Variants in XPO5 observed in about 807,000 individuals in gnomAD.
XPO5 encodes exportin-5.
A neutral mutation model predicts 160.6 loss-of-function variants in XPO5; 46 were observed. The observed-to-expected ratio is 0.29, with a 90% CI of 0.23 to 0.37. The LOEUF is 0.37. Ranked by LOEUF, XPO5 falls within the 10% of genes least tolerant of loss-of-function variation. The pLI, the probability that XPO5 is intolerant of heterozygous loss-of-function variation, is 1.00. For synonymous variants in XPO5, 537 were observed against 519.3 expected (o/e 1.03, Z -0.46); for missense variants, 1,090 against 1,463.9 (o/e 0.74, Z 4.17).
intron 20 of XPO5, chr6:43,539,742 CTTGGGAATAGTTTGT>C: frequency 1.6e-6 from 1 of 610,108 alleles, no homozygotes; most frequent in Non-Finnish European, 2.9e-6. Flanking sequence ...TTTTTCTATT[CTTGGGAATAGTTTGT>C]CTAAGAGATA....
chr6:43,553,004 G>A (rs1561878120), intron 14 of XPO5, among the ~76,000 whole-genome samples: 1 of 150,246 alleles, frequency 6.7e-6, no homozygotes, highest in African/African-American at 2.5e-5. Flanking sequence ...TACATCCATA[G>A]ATTTTCCTAT....
At chr6:43,562,437 G>C in intron 8 of XPO5, 91 bp from the exon 9 acceptor site, 7 of 953,678 alleles carry the variant, frequency 7.3e-6, no homozygotes, top group Non-Finnish European at 1.1e-5. Context: ...AAGTCATTTA[G>C]TTAGGTCTGT....
Position 43,575,904 on chromosome 6 carries a change from C to T in XPO5, c.-40G>A. The T allele has an allele frequency of 6.3e-7, 1 of 1,595,596 alleles. No homozygotes were observed. The highest frequency in any genetic ancestry group is 8.6e-7 in the Non-Finnish European group (1 of 1,166,770). Reference sequence around the variant, plus strand: ...GCCGAGAGCGCACACCACTGCAGTCCCGGGACCACGAGGCACGACAGCTCC... The same window carrying T: ...GCCGAGAGCGCACACCACTGCAGTCTCGGGACCACGAGGCACGACAGCTCC... On this transcript the variant is annotated 5_prime_UTR_variant, in exon 1 of 32. Coordinates refer to ENST00000265351, the MANE Select transcript of XPO5 (RefSeq NM_020750.3).
chr6:43,529,772 C>T (rs542145136), intron 23 of XPO5, among the ~76,000 whole-genome samples: 2 of 151,334 alleles, frequency 1.3e-5, no homozygotes, highest in Non-Finnish European at 2.9e-5. Context: ...ATAATAAAAA[C>T]TAGCTGGGTG....
At chr6:43,547,484 G>T (rs751481992) in intron 19 of XPO5, 124 bp downstream of exon 19, 1 of 804,722 alleles carries the variant, frequency 1.2e-6, no homozygotes, top group African/African-American at 1.7e-5. Context: ...GAAGCTTAGG[G>T]AAGTGGAGAC....
At chr6:43,526,006 G>A in intron 27 of XPO5, 85 bp from the exon 28 acceptor site, 1 of 1,484,312 alleles carries the variant, frequency 6.7e-7, no homozygotes, top group Non-Finnish European at 9.2e-7. Context: ...AAAAAACAAA[G>A]CAAAGCTGAG....
chr6:43,531,376 G>A, intron 22 of XPO5, 103 bp downstream of exon 22: 6 of 1,024,724 alleles, frequency 5.9e-6, no homozygotes, highest in South Asian at 4.1e-5. Context: ...TCAAACTCTT[G>A]CCTCGCCTTA....
chr6:43,561,291 A>C, intron 9 of XPO5: 1 of 350,126 alleles, frequency 2.9e-6, no homozygotes, highest in Non-Finnish European at 5.2e-6. Flanking sequence ...AAATTACAGA[A>C]AGAAAAAAAA....
At chr6:43,541,431 AC>A (rs1794685175) in intron 20 of XPO5, among the ~76,000 whole-genome samples, 1 of 152,240 alleles carries the variant, frequency 6.6e-6, no homozygotes, top group Non-Finnish European at 1.5e-5. Context: ...CTAACAAAAA[AC>A]ATCCCCACCA....
In XPO5 at chr6:43,546,975, C is replaced by T. The variant is rs374721953; in HGVS notation, c.2161-223G>A. Among the ~76,000 whole-genome samples the T allele has an allele frequency of 3.9e-5, 6 of 152,282 alleles. No individual in the cohort carries two copies. The East Asian group carries it at 1.2e-3, about 29-fold the overall frequency. On this transcript the variant is annotated intron_variant, in intron 19 of 31. Transcript: ENST00000265351. ...GGCCAGTGGTAGGCTCTGGAAACTT[C>T]CCTTGCAGTAAGCTGTCTTTCTAGG...
Position 43,560,792 on chromosome 6 carries a change from TGACAC to T in XPO5, c.1095+127_1095+131del. On this transcript the variant is annotated intron_variant, in intron 10 of 31. Transcript: ENST00000265351. ...AGAGCCAATAATTCTCTTAATGAAA[TGACAC>T]TACGGTCATTCCCCAAGGCCTGAAG... The T allele has an allele frequency of 4.0e-6, 3 of 747,764 alleles. No individual in the cohort carries two copies. The South Asian group carries it at 5.2e-5, about 13-fold the overall frequency. The allele number at this position is 747,764 out of a possible 1,614,324, so 46.3% of individuals were successfully genotyped here. A position where few individuals can be genotyped will look rare whatever the true frequency, so the allele number is the denominator to read the frequency against.
intron 26 of XPO5, 117 bp from the exon 27 acceptor site, chr6:43,526,864 G>A (rs572803106): frequency 9.8e-7 from 1 of 1,022,028 alleles, no homozygotes; most frequent in Non-Finnish European, 1.5e-6. Context: ...GGAAGATGGG[G>A]GTACCGTCCA....
intron 20 of XPO5, chr6:43,539,415 A>G (rs915028198): frequency 6.3e-5 from 99 of 1,572,074 alleles, no homozygotes; most frequent in Non-Finnish European, 7.2e-5. Flanking sequence ...GCCCCCAGGA[A>G]AAAGTCAATG....
chr6:43,549,875 TTTAA>T lies in XPO5; in HGVS notation c.1770+14_1770+17del. 6.2e-7 allele frequency: 1 copy of T among 1,603,678 alleles called. No individual in the cohort carries two copies. Among genetic ancestry groups the T allele is most frequent in the Non-Finnish European group, 8.5e-7 (1 of 1,173,850 alleles). On this transcript the variant is annotated intron_variant, in intron 16 of 31. Coordinates refer to ENST00000265351, the MANE Select transcript of XPO5 (RefSeq NM_020750.3). ...TACTCAAGAAGTTAGAATCTATTGG[TTTAA>T]TTAATGGTCTTACCTTACTTTCTTC...
chr6:43,573,154 T>G (rs545510885), intron 2 of XPO5, among the ~76,000 whole-genome samples: 1 of 152,228 alleles, frequency 6.6e-6, no homozygotes, highest in Non-Finnish European at 1.5e-5. Context: ...CAGAGATTCA[T>G]TGACCTATAC....
At chr6:43,566,673 GGTGGCGT>G (rs755855485) in intron 7 of XPO5, 3 of 420,902 alleles carry the variant, frequency 7.1e-6, no homozygotes, top group South Asian at 5.1e-5. Flanking sequence ...AGTCGGGCAT[GGTGGCGT>G]GTGCCTATAG....
chr6:43,575,973 G>T lies in XPO5; in HGVS notation c.-109C>A. The T allele has an allele frequency of 1.8e-6, 2 of 1,081,186 alleles. No individual in the cohort carries two copies. The highest frequency in any genetic ancestry group is 1.4e-5 in the South Asian group (1 of 71,250). The allele number at this position is 1,081,186 out of a possible 1,614,324, so 67.0% of individuals were successfully genotyped here. A position where few individuals can be genotyped will look rare whatever the true frequency, so the allele number is the denominator to read the frequency against. ...TGGTACCGGGCCGCGGCGGGCGGCG[G>T]GGGTGGGAAGCTGGAGGAGGAGCGT... On this transcript the variant is annotated 5_prime_UTR_variant, in exon 1 of 32. Coordinates refer to ENST00000265351, the MANE Select transcript of XPO5 (RefSeq NM_020750.3).
chr6:43,564,379 AT>A (rs1319680339), intron 8 of XPO5, among the ~76,000 whole-genome samples: 1 of 152,058 alleles, frequency 6.6e-6, no homozygotes, highest in Non-Finnish European at 1.5e-5. Context: ...AAAATACAAA[AT>A]TAGCTGGCCA....
chr6:43,555,735 G>A (rs1762045866), intron 13 of XPO5, 101 bp downstream of exon 13: 2 of 1,440,554 alleles, frequency 1.4e-6, no homozygotes, highest in Admixed American at 2.2e-5. Flanking sequence ...AATAGTATAA[G>A]TATATCGTTC....
Sources: gnomAD v4.1 joint callset for allele counts (sites outside exome capture counted in the v4.1 genomes callset) on GRCh38, gnomAD v4.1.1 for gene constraint, MANE v1.5 for transcripts, NCBI Gene and HGNC (gene_info 2026-07-23, HGNC 2026-07-21) for gene names.